Variants in CALN1 observed in about 807,000 individuals in gnomAD.
The protein encoded by CALN1 is calcium-binding protein 8.
A neutral mutation model predicts 30.6 loss-of-function variants in CALN1; 17 were observed. That is an observed-to-expected ratio of 0.56 (90% confidence interval 0.38 to 0.83). CALN1 has a LOEUF of 0.83. Ranked by LOEUF, CALN1 falls within the 40% of genes least tolerant of loss-of-function variation. The probability of loss-of-function intolerance (pLI) is 0.00; values close to 1 mark genes in which losing one functional copy is unlikely to be tolerated. For synonymous variants in CALN1, 156 were observed against 131.4 expected, an observed-to-expected ratio of 1.19 and a Z score of -1.28; for missense variants, 291 against 354.9, an observed-to-expected ratio of 0.82 and a Z score of 1.45.
intron 2 of CALN1, among the ~76,000 whole-genome samples, chr7:72,344,917 T>G (rs1802555854): frequency 6.8e-6 from 1 of 147,666 alleles, no homozygotes; most frequent in Non-Finnish European, 1.5e-5. Context: ...TAAATGTATA[T>G]GTGAACATAT....
chr7:72,373,875 T>C lies in CALN1; in HGVS notation c.119+29376A>G, dbSNP rs1444004781. ...AACATCTTGAAAGTAAACAGAAAAATGATGCATTGCTTGTAGAAAAGCAAT... is the reference window on the plus strand; with the variant it reads ...AACATCTTGAAAGTAAACAGAAAAACGATGCATTGCTTGTAGAAAAGCAAT... On this transcript the variant is annotated intron_variant, in intron 2 of 6. Transcript: ENST00000395275. Among the ~76,000 whole-genome samples the C allele has an allele frequency of 3.3e-5, 5 of 152,196 alleles. 1 individual carries two copies. In the South Asian group the frequency reaches 1.0e-3, roughly 32 times the overall value.
At chr7:72,040,047 TG>T (rs1478798250) in intron 4 of CALN1, among the ~76,000 whole-genome samples, 1 of 152,158 alleles carries the variant, frequency 6.6e-6, no homozygotes, top group Non-Finnish European at 1.5e-5. Context: ...TCTCTACAAA[TG>T]GCTCTTAGGA....
intron 2 of CALN1, among the ~76,000 whole-genome samples, chr7:72,397,936 G>A (rs144095131): frequency 6.6e-6 from 1 of 152,258 alleles, no homozygotes; most frequent in African/African-American, 2.4e-5. Context: ...TGCCACGTGA[G>A]GTACACTCTC....
intron 5 of CALN1, among the ~76,000 whole-genome samples, chr7:72,014,591 T>C (rs1017969976): frequency 2.6e-5 from 4 of 152,358 alleles, no homozygotes; most frequent in Admixed American, 6.5e-5. Context: ...AGGTTTCACA[T>C]AGCTTTAGAA....
chr7:72,295,824 C>T lies in CALN1; in HGVS notation c.120-17014G>A, dbSNP rs1040833240. Among the ~76,000 whole-genome samples the T allele has an allele frequency of 7.0e-4, 107 of 151,908 alleles. 1 individual carries two copies. The highest frequency in any genetic ancestry group is 2.5e-3 in the African/African-American group (104 of 41,408). On this transcript the variant is annotated intron_variant, in intron 2 of 6. Transcript: ENST00000395275. ...TCGTCTGCAAAGAGGGACAATTTGACTTCCTCTTTTCCTAATTGAATACCC... is the reference window on the plus strand; with the variant it reads ...TCGTCTGCAAAGAGGGACAATTTGATTTCCTCTTTTCCTAATTGAATACCC...
chr7:72,240,188 ATT>A (rs936738135), intron 3 of CALN1, among the ~76,000 whole-genome samples: 2 of 142,246 alleles, frequency 1.4e-5, no homozygotes, highest in Non-Finnish European at 3.0e-5. Context: ...ACTTGGGGAA[ATT>A]TCTTTTTTTT....
intron 2 of CALN1, among the ~76,000 whole-genome samples, chr7:72,291,752 A>C (rs554834161): frequency 2.0e-5 from 3 of 152,290 alleles, no homozygotes; most frequent in Admixed American, 1.3e-4. Context: ...AGCTGGGATG[A>C]CAGGCATGTA....
At chr7:71,979,869 C>CTTTTTTTTTTTTTTTT (rs555621436) in intron 5 of CALN1, among the ~76,000 whole-genome samples, 1 of 89,692 alleles carries the variant, frequency 1.1e-5, no homozygotes, top group African/African-American at 4.3e-5. Context: ...CATCAGGATT[C>CTTTTTTTTTTTTTTTT]TTTTTTTTTT....
At chr7:71,970,032 C>T (rs1797718603) in intron 5 of CALN1, among the ~76,000 whole-genome samples, 1 of 152,028 alleles carries the variant, frequency 6.6e-6, no homozygotes. Flanking sequence ...ACCATGTTGC[C>T]TAGACTGGTC....
At chr7:71,934,388 T>C (rs974572429) in intron 5 of CALN1, among the ~76,000 whole-genome samples, 1 of 152,156 alleles carries the variant, frequency 6.6e-6, no homozygotes, top group African/African-American at 2.4e-5. Context: ...TGAGGCTGGG[T>C]AATTTATAAA....
intron 1 of CALN1, among the ~76,000 whole-genome samples, chr7:72,404,111 C>T (rs1326036913): frequency 1.3e-5 from 2 of 152,164 alleles, no homozygotes; most frequent in Non-Finnish European, 2.9e-5. Context: ...CCTACTTGTC[C>T]CTTACAACTC....
chr7:72,127,107 G>T (rs539220172), intron 3 of CALN1, among the ~76,000 whole-genome samples: 1 of 151,756 alleles, frequency 6.6e-6, no homozygotes, highest in African/African-American at 2.4e-5. Flanking sequence ...CCATCCAGCA[G>T]ATTGCTGGAT....
At chr7:71,793,043 G>A (rs999144473) in intron 6 of CALN1, among the ~76,000 whole-genome samples, 39 of 151,976 alleles carry the variant, frequency 2.6e-4, no homozygotes, top group Non-Finnish European at 1.3e-4. Context: ...GGTGGCTCAC[G>A]CCTGTAATCC....
chr7:71,880,159 G>C (rs1031026200), intron 5 of CALN1, among the ~76,000 whole-genome samples: 8 of 152,162 alleles, frequency 5.3e-5, no homozygotes, highest in African/African-American at 1.9e-4. Flanking sequence ...CAAAAATGGA[G>C]GTTAGAGATT....
chr7:72,386,037 A>G (rs544162365), intron 2 of CALN1, among the ~76,000 whole-genome samples: 93 of 152,308 alleles, frequency 6.1e-4, no homozygotes, highest in African/African-American at 2.2e-3. Flanking sequence ...AAGGCTACCT[A>G]CTGTATGCTT....
intron 2 of CALN1, among the ~76,000 whole-genome samples, chr7:72,303,072 CCT>C (rs1167021329): frequency 1.3e-5 from 2 of 150,126 alleles, no homozygotes; most frequent in African/African-American, 2.5e-5. Context: ...AGAGACAGAC[CCT>C]GTCTCAAAAA....
intron 5 of CALN1, among the ~76,000 whole-genome samples, chr7:71,893,033 T>C (rs1793333523): frequency 6.6e-6 from 1 of 152,222 alleles, no homozygotes. Context: ...AAAAAGGTTC[T>C]GTTTAATAAC....
intron 2 of CALN1, among the ~76,000 whole-genome samples, chr7:72,355,296 C>G (rs545040446): frequency 6.6e-6 from 1 of 151,918 alleles, no homozygotes; most frequent in African/African-American, 2.4e-5. Context: ...GAGGCCAAAG[C>G]GGGCGGACCA....
chr7:72,478,322 T>C, the CALN1 span, among the ~76,000 whole-genome samples: 1 of 147,624 alleles, frequency 6.8e-6, no homozygotes, highest in Non-Finnish European at 1.5e-5. Context: ...CAAATATATT[T>C]ATATTATATA....
Sources: allele counts gnomAD v4.1 joint callset (sites outside exome capture counted in the v4.1 genomes callset), GRCh38; gene constraint gnomAD v4.1.1; transcripts MANE v1.5; gene names NCBI Gene and HGNC (gene_info 2026-07-23, HGNC 2026-07-21).